SIK2: variants seen among roughly 807,000 people sequenced by gnomAD.
SIK2 encodes the protein salt inducible kinase 2.
Under a neutral mutation model 103.2 loss-of-function variants are expected in SIK2, and 29 were observed. The observed-to-expected ratio is 0.28, with a 90% CI of 0.21 to 0.38. SIK2 has a LOEUF of 0.38. SIK2 is among the 10% of genes least tolerant of loss of function. SIK2 has a pLI of 1.00. For missense variants in SIK2, 879 were observed against 1,171.0 expected (o/e 0.75, Z 3.64); for synonymous variants, 412 against 446.1 (o/e 0.92, Z 0.96).
At chr11:111,695,681 G>A (rs1168088112) in intron 4 of SIK2, among the ~76,000 whole-genome samples, 1 of 152,186 alleles carries the variant, frequency 6.6e-6, no homozygotes, top group Non-Finnish European at 1.5e-5. Flanking sequence ...AATGTACTGA[G>A]TCAGAATCTG....
rs1943936266 is a variant in SIK2 at position 111,725,465 on chromosome 11, A to G, written c.*1336A>G. On this transcript the variant is annotated 3_prime_UTR_variant, in exon 15 of 15. Coordinates refer to ENST00000304987, the MANE Select transcript of SIK2 (RefSeq NM_015191.3). ...AGTCATCAAAGTAAGTAAAAATTAG[A>G]TGCTACAGCTAGCTAACTGTATCCC... The G allele has an allele frequency of 6.6e-6, 1 of 152,564 alleles. No homozygotes were observed. The highest frequency in any genetic ancestry group is 2.1e-4 in the South Asian group (1 of 4,838). 9.5% of individuals were successfully genotyped at this position (152,564 alleles called of 1,614,324 possible).
intron 3 of SIK2, among the ~76,000 whole-genome samples, chr11:111,681,651 G>A (rs1011089815): frequency 6.6e-6 from 1 of 152,122 alleles, no homozygotes; most frequent in Admixed American, 6.5e-5. Context: ...GGTACTTAAA[G>A]AGGAAGAATT....
chr11:111,683,065 C>A (rs1357377371), intron 3 of SIK2: 1 of 152,062 alleles, frequency 6.6e-6, no homozygotes, highest in African/African-American at 2.4e-5. Flanking sequence ...ACATAGGAAA[C>A]AAGAATTTTC....
chr11:111,622,252 T>C (rs1284150146), intron 3 of SIK2, among the ~76,000 whole-genome samples: 15 of 122,514 alleles, frequency 1.2e-4, no homozygotes, highest in African/African-American at 4.0e-4. Flanking sequence ...CTTTTCTTTT[T>C]TTTTTTTTTT....
chr11:111,666,769 A>G (rs912548695), intron 3 of SIK2, among the ~76,000 whole-genome samples: 5 of 152,160 alleles, frequency 3.3e-5, no homozygotes, highest in Admixed American at 2.0e-4. Context: ...ATCAGGCTAA[A>G]AATAGGAACT....
intron 4 of SIK2, among the ~76,000 whole-genome samples, chr11:111,692,233 C>G (rs1235239265): frequency 6.6e-6 from 1 of 151,468 alleles, no homozygotes; most frequent in African/African-American, 2.4e-5. Context: ...CGCCTGTAGT[C>G]CCAGCTACTC....
At chr11:111,679,776 G>T (rs987612076) in intron 3 of SIK2, among the ~76,000 whole-genome samples, 7 of 152,060 alleles carry the variant, frequency 4.6e-5, no homozygotes, top group African/African-American at 1.7e-4. Flanking sequence ...AGATTGATTG[G>T]CAAGAACCAG....
At chr11:111,617,848 G>A (rs934470882) in intron 2 of SIK2, among the ~76,000 whole-genome samples, 1 of 148,734 alleles carries the variant, frequency 6.7e-6, no homozygotes, top group African/African-American at 2.4e-5. Flanking sequence ...ATGTGTGTGT[G>A]TGTATATATA....
intron 3 of SIK2, among the ~76,000 whole-genome samples, chr11:111,648,941 G>T (rs1451085095): frequency 6.6e-6 from 1 of 152,130 alleles, no homozygotes; most frequent in Non-Finnish European, 1.5e-5. Context: ...GCTAAGGCAA[G>T]TGTGTCTTAT....
At chr11:111,674,852 T>C (rs1234457514) in intron 3 of SIK2, among the ~76,000 whole-genome samples, 1 of 152,120 alleles carries the variant, frequency 6.6e-6, no homozygotes, top group East Asian at 1.9e-4. Flanking sequence ...GTTCAAGCGA[T>C]TCTCCTGCCT....
chr11:111,647,442 C>T (rs1591600141), intron 3 of SIK2, among the ~76,000 whole-genome samples: 2 of 150,508 alleles, frequency 1.3e-5, no homozygotes, highest in South Asian at 4.2e-4. Context: ...GGCAACATGG[C>T]GAAATCCCAC....
At chr11:111,646,105 T>G (rs1343515363) in intron 3 of SIK2, among the ~76,000 whole-genome samples, 1 of 150,580 alleles carries the variant, frequency 6.6e-6, no homozygotes, top group Non-Finnish European at 1.5e-5. Flanking sequence ...TATGTGTATA[T>G]TTTACAGCTT....
Position 111,688,224 on chromosome 11 carries a change from A to G in SIK2, c.478+62A>G. The G allele has an allele frequency of 1.3e-6, 2 of 1,556,690 alleles. No homozygotes were observed. The highest frequency in any genetic ancestry group is 1.1e-5 in the South Asian group (1 of 88,852). ...GTGAGCCACTGCACTCAGTGTGTGGAAACAGACCTGCAGGCGCAGATTCAG... is the reference window on the plus strand; with the variant it reads ...GTGAGCCACTGCACTCAGTGTGTGGGAACAGACCTGCAGGCGCAGATTCAG... On this transcript the variant is annotated intron_variant, in intron 4 of 14. Transcript: ENST00000304987. The surrounding 1 kb of genome is among the most constrained non-coding windows in gnomAD (Gnocchi z 4.2).
At chr11:111,604,348 A>G (rs907776190) in intron 1 of SIK2, among the ~76,000 whole-genome samples, 24 of 152,262 alleles carry the variant, frequency 1.6e-4, no homozygotes, top group African/African-American at 5.5e-4. Context: ...GAGAGGTTCT[A>G]CAAAACTTTT....
intron 3 of SIK2, among the ~76,000 whole-genome samples, chr11:111,665,457 C>T (rs1268053216): frequency 6.6e-6 from 1 of 151,712 alleles, no homozygotes; most frequent in East Asian, 1.9e-4. Flanking sequence ...CTGCAGTGAC[C>T]GTGATTGCGT....
At chr11:111,664,190 T>C (rs1006108990) in intron 3 of SIK2, among the ~76,000 whole-genome samples, 3 of 152,246 alleles carry the variant, frequency 2.0e-5, no homozygotes. Flanking sequence ...CTTTTCTGTA[T>C]TTTTCTATGG....
At chr11:111,708,816 G>T (rs1015558012) in intron 8 of SIK2, among the ~76,000 whole-genome samples, 3 of 152,050 alleles carry the variant, frequency 2.0e-5, no homozygotes, top group African/African-American at 7.2e-5. Flanking sequence ...TCAAACTCCT[G>T]GGCTCAAGTA....
chr11:111,614,128 C>A (rs1941769852), intron 1 of SIK2, among the ~76,000 whole-genome samples: 1 of 148,978 alleles, frequency 6.7e-6, no homozygotes, highest in African/African-American at 2.5e-5. Flanking sequence ...GTCGCCCAGA[C>A]TGGAGCGCAG....
At chr11:111,719,534 CAG>C (rs1160631835) in intron 9 of SIK2, among the ~76,000 whole-genome samples, 1 of 152,088 alleles carries the variant, frequency 6.6e-6, no homozygotes, top group African/African-American at 2.4e-5. Context: ...AATGATGACT[CAG>C]AGAAACCTGG....
Sources: gnomAD v4.1 joint callset for allele counts (sites outside exome capture counted in the v4.1 genomes callset) on GRCh38, gnomAD v4.1.1 for gene constraint, Gnocchi (gnomAD v3.1) non-coding constraint, MANE v1.5 for transcripts, NCBI Gene and HGNC (gene_info 2026-07-23, HGNC 2026-07-21) for gene names.